Variants in PRKN observed in about 807,000 individuals in gnomAD.
The protein encoded by PRKN is parkin RBR E3 ubiquitin protein ligase.
In PRKN, 56 loss-of-function variants were observed where a neutral mutation model predicts 59.5. The ratio of observed to expected loss-of-function variants is 0.94; its 90% confidence interval spans 0.76 to 1.18. PRKN has a LOEUF of 1.18. Among genes scored for constraint, PRKN ranks in the 50% most tolerant of loss-of-function variants. PRKN has a pLI of 0.00. For missense variants in PRKN, 657 were observed against 596.4 expected, an observed-to-expected ratio of 1.10 and a Z score of -1.06; for synonymous variants, 250 against 222.1, an observed-to-expected ratio of 1.13 and a Z score of -1.12.
At chr6:162,315,460 G>C (rs1330413748) in intron 2 of PRKN, among the ~76,000 whole-genome samples, 1 of 152,136 alleles carries the variant, frequency 6.6e-6, no homozygotes, top group Non-Finnish European at 1.5e-5. Context: ...GGTTGCCAGG[G>C]TAGGCAACTT....
chr6:161,492,140 CTTT>C lies in PRKN; in HGVS notation c.1083+56711_1083+56713del, dbSNP rs1432123939. Among the ~76,000 whole-genome samples, 4 of 118,824 alleles carry C rather than the reference CTTT, an allele frequency of 3.4e-5. No individual in the cohort carries two copies. The East Asian group carries it at 1.1e-3, about 31-fold the overall frequency. 78.0% of individuals were successfully genotyped at this position (118,824 alleles called of 152,430 possible). A position where few individuals can be genotyped will look rare whatever the true frequency, so the allele number is the denominator to read the frequency against. On this transcript the variant is annotated intron_variant, in intron 9 of 11. Coordinates refer to ENST00000366898, the MANE Select transcript of PRKN (RefSeq NM_004562.3). ...AAATATCACTCTATAAGTGAAAGCA[CTTT>C]GTTAAGACCTAAATCAATGTTAATT...
chr6:161,816,709 CAG>C (rs1450575095), intron 6 of PRKN, among the ~76,000 whole-genome samples: 1 of 145,030 alleles, frequency 6.9e-6, no homozygotes, highest in Non-Finnish European at 1.5e-5. Flanking sequence ...GCTTGGGTGA[CAG>C]AGTGAGACTC....
At chr6:161,522,278 G>A (rs950803379) in intron 9 of PRKN, among the ~76,000 whole-genome samples, 2 of 152,178 alleles carry the variant, frequency 1.3e-5, no homozygotes, top group South Asian at 2.1e-4. Flanking sequence ...GATGACAGGC[G>A]AGGGAGGTAG....
In PRKN at chr6:162,462,351, T is replaced by C. The variant is rs564856320; in HGVS notation, c.8-18878A>G. ...TGGAGACCAATGTTTGGTTCACAAA[T>C]GTGTGCTGTTAATTAGATTGAGAGT... is the stretch of plus-strand genomic sequence containing the variant. On this transcript the variant is annotated intron_variant, in intron 1 of 11. Transcript: ENST00000366898. Among the ~76,000 whole-genome samples the C allele has an allele frequency of 1.1e-4, 17 of 152,334 alleles. No homozygotes were observed. The South Asian group carries it at 3.5e-3, about 32-fold the overall frequency.
At chr6:162,073,935 C>T (rs912885768) in intron 4 of PRKN, among the ~76,000 whole-genome samples, 2 of 151,936 alleles carry the variant, frequency 1.3e-5, no homozygotes, top group African/African-American at 2.4e-5. Context: ...AATGAGATAC[C>T]ATCTCACACC....
intron 2 of PRKN, among the ~76,000 whole-genome samples, chr6:162,297,040 T>G (rs1445278475): frequency 6.6e-6 from 1 of 152,154 alleles, no homozygotes; most frequent in Non-Finnish European, 1.5e-5. Flanking sequence ...ACTGCTGGAA[T>G]GGTTAACTAG....
At chr6:162,589,526 A>G (rs953599684) in intron 1 of PRKN, among the ~76,000 whole-genome samples, 12 of 152,038 alleles carry the variant, frequency 7.9e-5, no homozygotes, top group Admixed American at 5.2e-4. Flanking sequence ...TTCCCTTTTT[A>G]AACATTTAAC....
At chr6:162,722,763 A>G (rs2128240980) in intron 1 of PRKN, among the ~76,000 whole-genome samples, 1 of 152,288 alleles carries the variant, frequency 6.6e-6, no homozygotes, top group African/African-American at 2.4e-5. Flanking sequence ...TCATTGTATC[A>G]TTTTCAGGCA....
intron 6 of PRKN, among the ~76,000 whole-genome samples, chr6:161,841,139 C>G (rs1792970109): frequency 6.6e-6 from 1 of 152,118 alleles, no homozygotes; most frequent in African/African-American, 2.4e-5. Context: ...ACAGTATTCA[C>G]AAAGCAAAGC....
At chr6:161,597,423 C>T (rs536653618) in intron 7 of PRKN, among the ~76,000 whole-genome samples, 4 of 152,268 alleles carry the variant, frequency 2.6e-5, no homozygotes, top group African/African-American at 4.8e-5. Context: ...AAAGAATGAC[C>T]GAATGGTGAA....
chr6:162,301,748 G>C (rs1479796560), intron 2 of PRKN, among the ~76,000 whole-genome samples: 1 of 138,054 alleles, frequency 7.2e-6, no homozygotes, highest in Non-Finnish European at 1.5e-5. Context: ...AGCCTCACTG[G>C]GGAGGTTAAA....
rs373991889 is a variant in PRKN, at chr6:161,787,469, C to T, written c.735-1561G>A. ...GCACACACATACTTTTTTCACTTTG[C>T]GACCCTATGAAGCTGCTGTATTCTA... On this transcript the variant is annotated intron_variant, in intron 6 of 11. Coordinates refer to ENST00000366898, the MANE Select transcript of PRKN (RefSeq NM_004562.3). Among the ~76,000 whole-genome samples, 59 of 152,260 alleles carry T rather than the reference C, an allele frequency of 3.9e-4. No homozygotes were observed. In the East Asian group the frequency reaches 0.011, roughly 28 times the overall value.
At position 162,447,019 on chromosome 6, in the gene PRKN, T is replaced by C. The variant is rs564900276; in HGVS notation, c.8-3546A>G. Among the ~76,000 whole-genome samples the C allele has an allele frequency of 3.9e-5, 6 of 152,352 alleles. No homozygotes were observed. The East Asian group carries it at 1.2e-3, about 29-fold the overall frequency. ...TTACCTGGCCACCTTGACTGTTAGCTTCCTGATCTAATAAATCGGTATAAG... is the reference window on the plus strand; with the variant it reads ...TTACCTGGCCACCTTGACTGTTAGCCTCCTGATCTAATAAATCGGTATAAG... On this transcript the variant is annotated intron_variant, in intron 1 of 11. Transcript: ENST00000366898.
chr6:161,712,032 G>C (rs1562625577), intron 7 of PRKN, among the ~76,000 whole-genome samples: 1 of 152,118 alleles, frequency 6.6e-6, no homozygotes, highest in Non-Finnish European at 1.5e-5. Context: ...GATCATGTGA[G>C]TCAATTATCT....
intron 5 of PRKN, among the ~76,000 whole-genome samples, chr6:162,012,241 C>G: frequency 6.6e-6 from 1 of 152,036 alleles, no homozygotes; most frequent in Non-Finnish European, 1.5e-5. Context: ...AAAAATTGTA[C>G]AAAGAACTCT....
chr6:162,154,664 A>C (rs995221675), intron 4 of PRKN, among the ~76,000 whole-genome samples: 5 of 152,198 alleles, frequency 3.3e-5, no homozygotes, highest in African/African-American at 1.2e-4. Flanking sequence ...AAATTTAGAC[A>C]GTCTAAAATA....
chr6:162,674,655 A>G (rs951066423), intron 1 of PRKN, among the ~76,000 whole-genome samples: 4 of 152,212 alleles, frequency 2.6e-5, no homozygotes, highest in Admixed American at 6.5e-5. Flanking sequence ...TTTGGACTTT[A>G]ACAAGTAAGC....
chr6:161,864,481 C>T (rs1309021580), intron 6 of PRKN, among the ~76,000 whole-genome samples: 2 of 152,192 alleles, frequency 1.3e-5, no homozygotes, highest in African/African-American at 4.8e-5. Flanking sequence ...TCACTTCCTC[C>T]ACTGAAGTCT....
At chr6:161,573,187 G>A (rs545660139) in intron 7 of PRKN, among the ~76,000 whole-genome samples, 1 of 152,290 alleles carries the variant, frequency 6.6e-6, no homozygotes, top group African/African-American at 2.4e-5. Context: ...TGCTGAGATG[G>A]AACATTTGAA....
Sources: allele counts gnomAD v4.1 joint callset (sites outside exome capture counted in the v4.1 genomes callset), GRCh38; gene constraint gnomAD v4.1.1; transcripts MANE v1.5; gene names NCBI Gene and HGNC (gene_info 2026-07-23, HGNC 2026-07-21).